Variants in SMUG1 observed in about 807,000 individuals in gnomAD.
SMUG1 encodes the protein single-strand selective monofunctional uracil DNA glycosylase.
Under a neutral mutation model 23.9 loss-of-function variants are expected in SMUG1, and 13 were observed. That is an observed-to-expected ratio of 0.54 (90% CI 0.35 to 0.86). The LOEUF (loss-of-function observed/expected upper bound fraction) is 0.86, where lower values mean the gene tolerates loss of function less well. SMUG1 is among the 40% of genes least tolerant of loss of function. The pLI, the probability that SMUG1 is intolerant of heterozygous loss-of-function variation, is 0.01. For synonymous variants in SMUG1, 133 were observed against 139.8 expected, an observed-to-expected ratio of 0.95 and a Z score of 0.34; for missense variants, 313 against 339.5, an observed-to-expected ratio of 0.92 and a Z score of 0.61.
intron 3 of SMUG1, 61 bp from the exon 4 acceptor site, chr12:54,182,684 G>T: frequency 6.5e-7 from 1 of 1,543,050 alleles, no homozygotes; most frequent in South Asian, 1.3e-5. Context: ...CCGGGCTCTG[G>T]ACCAACTGAC....
intron 3 of SMUG1, among the ~76,000 whole-genome samples, chr12:54,168,923 G>A (rs929540446): frequency 2.0e-5 from 3 of 152,200 alleles, no homozygotes; most frequent in African/African-American, 7.2e-5. Flanking sequence ...ATGAGAAAAA[G>A]GGAGTCTAAG....
intron 3 of SMUG1, among the ~76,000 whole-genome samples, chr12:54,170,117 G>A (rs1940577903): frequency 6.6e-6 from 1 of 151,786 alleles, no homozygotes; most frequent in South Asian, 2.1e-4. Flanking sequence ...AGAATCACTT[G>A]AACCTGGGAG....
chr12:54,179,908 C>T (rs1940851282), downstream of SMUG1, among the ~76,000 whole-genome samples: 1 of 152,216 alleles, frequency 6.6e-6, no homozygotes, highest in Non-Finnish European at 1.5e-5. Flanking sequence ...GTCCCAGGCA[C>T]AGATGTGTGC....
At chr12:54,176,552 A>T (rs1158950080), downstream of SMUG1, among the ~76,000 whole-genome samples, 1 of 132,320 alleles carries the variant, frequency 7.6e-6, no homozygotes, top group African/African-American at 2.8e-5. Context: ...CATGCCTGTG[A>T]TCCCAGCACT....
At chr12:54,178,047 A>C (rs907987684), downstream of SMUG1, among the ~76,000 whole-genome samples, 1 of 152,200 alleles carries the variant, frequency 6.6e-6, no homozygotes, top group Non-Finnish European at 1.5e-5. Context: ...CCAAGAAGAG[A>C]AACACCAGGG....
chr12:54,182,120 C>T lies in SMUG1; in HGVS notation c.789G>A (p.Gly263=), dbSNP rs1424884304. The change falls in exon 4 of 4, where the codon GGG becomes GGA. Residue 263 remains glycine, a synonymous_variant. Transcript: ENST00000682136. Reference sequence around the variant, plus strand: ...CTCATTTCAACAGCAGTGGCAGCAGCCCCAGCTCATTCAATCTTTCCTTGG... The same window carrying T: ...CTCATTTCAACAGCAGTGGCAGCAGTCCCAGCTCATTCAATCTTTCCTTGG... ...AVAKERLNEL[G]LLPLLLK The T allele has an allele frequency of 3.9e-6, 6 of 1,558,334 alleles. No homozygotes were observed. In the Admixed American group the frequency reaches 1.1e-4, roughly 29 times the overall value.
At chr12:54,166,943 C>T (rs1451101225) in intron 3 of SMUG1, among the ~76,000 whole-genome samples, 1 of 152,154 alleles carries the variant, frequency 6.6e-6, no homozygotes, top group East Asian at 1.9e-4. Context: ...AGGTATTAAA[C>T]TTAAGTTAGT....
At chr12:54,178,120 G>A (rs1940799178), downstream of SMUG1, among the ~76,000 whole-genome samples, 1 of 152,208 alleles carries the variant, frequency 6.6e-6, no homozygotes, top group South Asian at 2.1e-4. Context: ...TGCAAGCTAA[G>A]GAGAGGCCTC....
At position 54,181,389 on chromosome 12, in the gene SMUG1, C is replaced by G. The variant is rs1228154116; in HGVS notation, c.*707G>C. Reference sequence around the variant, plus strand: ...TGAGCACCCACATGCCAAGCCCATGCAAGGCACTTTCAAGTGTGATCTCAG... The same window carrying G: ...TGAGCACCCACATGCCAAGCCCATGGAAGGCACTTTCAAGTGTGATCTCAG... On this transcript the variant is annotated 3_prime_UTR_variant, in exon 4 of 4. Coordinates refer to ENST00000682136, the MANE Select transcript of SMUG1 (RefSeq NM_001243787.2). The G allele has an allele frequency of 1.5e-6, 1 of 659,216 alleles. No homozygotes were observed. Among genetic ancestry groups the G allele is most frequent in the Admixed American group, 2.7e-5 (1 of 36,892 alleles). 40.8% of individuals were successfully genotyped at this position (659,216 alleles called of 1,614,324 possible).
At chr12:54,175,648 CTG>C (rs1204322341), downstream of SMUG1, among the ~76,000 whole-genome samples, 3 of 152,210 alleles carry the variant, frequency 2.0e-5, no homozygotes, top group Non-Finnish European at 4.4e-5. Flanking sequence ...GCCCAGAGCG[CTG>C]TGTTTATAAC....
In SMUG1 at chr12:54,182,579, A is replaced by G; in HGVS notation, c.330T>C (p.Ile110=). ...EVSMVRDWLG[I]VGPVLTPPQE... ...GGGGAGGGGTCAGCACAGGCCCCAC[A>G]ATGCCCAACCAGTCCCGGACCATGC... Residue 110 remains isoleucine, a synonymous_variant, in exon 4 of 4, where the codon ATT becomes ATC. Coordinates refer to ENST00000682136, the MANE Select transcript of SMUG1 (RefSeq NM_001243787.2). 1 of 1,614,096 alleles carries G rather than the reference A, an allele frequency of 6.2e-7. No homozygotes were observed. Among genetic ancestry groups the G allele is most frequent in the South Asian group, 1.1e-5 (1 of 91,072 alleles).
intron 2 of SMUG1, chr12:54,172,169 C>T: frequency 2.3e-6 from 1 of 436,668 alleles, no homozygotes; most frequent in South Asian, 1.6e-5. Flanking sequence ...AGTGACTTCC[C>T]ATGTTACTCG....
chr12:54,182,871 C>T (rs1197995595), intron 3 of SMUG1: 2 of 611,640 alleles, frequency 3.3e-6, no homozygotes, highest in Non-Finnish European at 2.7e-6. Context: ...GCCTTTGGGA[C>T]TAAGTACAGG....
chr12:54,159,919 G>A (rs765299198), downstream of SMUG1, among the ~76,000 whole-genome samples: 6 of 152,212 alleles, frequency 3.9e-5, no homozygotes, highest in South Asian at 4.1e-4. Context: ...AGTGCACTTG[G>A]GCACAGATGG....
chr12:54,167,554 TCTC>T (rs1007765603), intron 3 of SMUG1, among the ~76,000 whole-genome samples: 1 of 151,806 alleles, frequency 6.6e-6, no homozygotes, highest in African/African-American at 2.4e-5. Context: ...GATACACGTC[TCTC>T]CTCATGGAAC....
intron 3 of SMUG1, among the ~76,000 whole-genome samples, chr12:54,170,600 GTTT>G (rs1940592213): frequency 6.6e-6 from 1 of 151,756 alleles, no homozygotes; most frequent in African/African-American, 2.4e-5. Context: ...ACTTTTTTTA[GTTT>G]TTGTTTTTTT....
At chr12:54,174,145 G>C (rs934900845) in intron 2 of SMUG1, among the ~76,000 whole-genome samples, 1 of 152,086 alleles carries the variant, frequency 6.6e-6, no homozygotes, top group Non-Finnish European at 1.5e-5. Context: ...ATTCACAGGG[G>C]ACACACAGAC....
intron 4 of SMUG1, among the ~76,000 whole-genome samples, chr12:54,159,571 T>C (rs1940175015): frequency 1.3e-5 from 2 of 152,214 alleles, no homozygotes; most frequent in African/African-American, 4.8e-5. Context: ...GTCATTTATC[T>C]ATGTGTAAGG....
chr12:54,174,078 A>ACCCTTGCAAG (rs2136549214), intron 2 of SMUG1, among the ~76,000 whole-genome samples: 1 of 152,190 alleles, frequency 6.6e-6, no homozygotes, highest in South Asian at 2.1e-4. Flanking sequence ...ACCCCTTAAA[A>ACCCTTGCAAG]CGGTACTTGC....
Sources: gnomAD v4.1 joint callset for allele counts (sites outside exome capture counted in the v4.1 genomes callset) on GRCh38, gnomAD v4.1.1 for gene constraint, MANE v1.5 for transcripts, NCBI Gene and HGNC (gene_info 2026-07-23, HGNC 2026-07-21) for gene names.